The following EFCAB5 variants were observed in gnomAD, a reference collection of about 807,000 sequenced individuals.
The protein encoded by EFCAB5 is EF-hand calcium binding domain 5.
A neutral mutation model predicts 167.9 loss-of-function variants in EFCAB5; 131 were observed. That is an observed-to-expected ratio of 0.78 (90% confidence interval 0.68 to 0.90). EFCAB5 has a LOEUF of 0.90. Among genes scored for constraint, EFCAB5 ranks in the 40% least tolerant of loss-of-function variants. EFCAB5 has a pLI of 0.00. For missense variants in EFCAB5, 1,663 were observed against 1,745.2 expected, an observed-to-expected ratio of 0.95 and a Z score of 0.84; for synonymous variants, 574 against 602.8, an observed-to-expected ratio of 0.95 and a Z score of 0.70.
chr17:30,107,275 T>C (rs1567782259), intron 22 of EFCAB5, among the ~76,000 whole-genome samples: 1 of 152,228 alleles, frequency 6.6e-6, no homozygotes, highest in Non-Finnish European at 1.5e-5. Flanking sequence ...CATGCAAGTA[T>C]AGAGAATAAT....
intron 14 of EFCAB5, 42 bp downstream of exon 14, chr17:30,059,743 C>G: frequency 2.6e-6 from 4 of 1,519,068 alleles, no homozygotes; most frequent in Non-Finnish European, 3.5e-6. Flanking sequence ...TGGTAATTAA[C>G]TTGGCTTCAA....
chr17:30,004,624 T>TC (rs2068735597), intron 7 of EFCAB5, among the ~76,000 whole-genome samples: 1 of 146,222 alleles, frequency 6.8e-6, no homozygotes, highest in East Asian at 2.0e-4. Flanking sequence ...TGTGGGCACT[T>TC]TTTTTTTTTT....
chr17:29,969,031 A>G lies in EFCAB5; in HGVS notation c.431A>G (p.Glu144Gly). ...IDKENLKKELEKKAEKKLPRD... is the reference protein window; with the variant it reads ...IDKENLKKELGKKAEKKLPRD... ...AAGGAAAATCTGAAGAAGGAACTAGAAAAAAAGGCTGAAAAAAAACTCCCT... is the reference window on the plus strand; with the variant it reads ...AAGGAAAATCTGAAGAAGGAACTAGGAAAAAAGGCTGAAAAAAAACTCCCT... Residue 144 changes from glutamate (E) to glycine (G), a missense_variant, in exon 4 of 23, where the codon GAA (glutamate) becomes GGA (glycine). Coordinates refer to ENST00000394835, the MANE Select transcript of EFCAB5 (RefSeq NM_198529.4). 1 of 1,595,156 alleles carries G rather than the reference A, an allele frequency of 6.3e-7. No homozygotes were observed. Among genetic ancestry groups the G allele is most frequent in the Non-Finnish European group, 8.5e-7 (1 of 1,172,028 alleles).
rs2071172596 is a variant in EFCAB5 at position 30,090,439 on chromosome 17, T to C, written c.3702T>C (p.Cys1234=). The change falls in exon 20 of 23, where the codon TGT becomes TGC. Residue 1234 remains cysteine, a synonymous_variant. Transcript: ENST00000394835. ...ATTTCAGAGATTTCCTCTTTAAATGTACTGACAGTTCAGAAGTTGTTCTGG... is the reference window on the plus strand; with the variant it reads ...ATTTCAGAGATTTCCTCTTTAAATGCACTGACAGTTCAGAAGTTGTTCTGG... ...SCIFRDFLFK[C]TDSSEVVLAS... 1 of 1,613,542 alleles carries C rather than the reference T, an allele frequency of 6.2e-7. No individual in the cohort carries two copies. Among genetic ancestry groups the C allele is most frequent in the East Asian group, 2.2e-5 (1 of 44,884 alleles).
chr17:30,054,668 G>C (rs1202313034), intron 10 of EFCAB5, among the ~76,000 whole-genome samples: 2 of 152,142 alleles, frequency 1.3e-5, no homozygotes, highest in Non-Finnish European at 2.9e-5. Flanking sequence ...CCATGGTTTT[G>C]CTTTCCACAG....
chr17:30,096,465 G>A (rs2151853928), intron 22 of EFCAB5, among the ~76,000 whole-genome samples: 1 of 151,880 alleles, frequency 6.6e-6, no homozygotes. Context: ...ATTGCTTGGG[G>A]CCAGAAGTTC....
chr17:29,940,701 G>A (rs1393006102), upstream of EFCAB5, among the ~76,000 whole-genome samples: 7 of 152,174 alleles, frequency 4.6e-5, no homozygotes, highest in Non-Finnish European at 2.9e-5. Context: ...TCCAAAGGCA[G>A]TACTTTTGGT....
At chr17:30,043,203 TTCTGATACAAA>T (rs1471516200) in intron 8 of EFCAB5, among the ~76,000 whole-genome samples, 10 of 152,178 alleles carry the variant, frequency 6.6e-5, no homozygotes, top group Non-Finnish European at 1.0e-4. Context: ...CAACACTCAT[TTCTGATACAAA>T]AATTTTTTAA....
chr17:29,977,127 TC>T (rs952693933), intron 4 of EFCAB5, among the ~76,000 whole-genome samples: 1 of 152,196 alleles, frequency 6.6e-6, no homozygotes, highest in Non-Finnish European at 1.5e-5. Context: ...GTAAAAAGTA[TC>T]TTTTCCCTCT....
chr17:30,078,719 G>T (rs1030666794), intron 15 of EFCAB5, among the ~76,000 whole-genome samples: 1 of 152,098 alleles, frequency 6.6e-6, no homozygotes, highest in Non-Finnish European at 1.5e-5. Context: ...AGAGGAGAAA[G>T]GTAGAAAAGA....
intron 3 of EFCAB5, among the ~76,000 whole-genome samples, chr17:29,966,295 C>A (rs1183344834): frequency 6.6e-6 from 1 of 152,122 alleles, no homozygotes; most frequent in African/African-American, 2.4e-5. Flanking sequence ...ATGTCTAACA[C>A]TTGGCTTACA....
intron 8 of EFCAB5, among the ~76,000 whole-genome samples, chr17:30,036,410 T>TAG (rs1019505833): frequency 0.013 from 1,731 of 137,350 alleles, 43 homozygotes; most frequent in African/African-American, 0.039. Context: ...TATATAATAT[T>TAG]AGAGAGAGAG....
In EFCAB5 at chr17:30,082,794, G is replaced by A. The variant is rs2071014918; in HGVS notation, c.3427-97G>A. ...TTTGTAGGAAGTAGATTATCATGAA[G>A]TAATTAAATTACTGGTAAAGGTAAT... On this transcript the variant is annotated intron_variant, in intron 17 of 22. Coordinates refer to ENST00000394835, the MANE Select transcript of EFCAB5 (RefSeq NM_198529.4). 4 of 1,239,834 alleles carry A rather than the reference G, an allele frequency of 3.2e-6. No individual in the cohort carries two copies. In the African/African-American group the frequency reaches 4.6e-5, roughly 14 times the overall value. The allele number at this position is 1,239,834 out of a possible 1,614,324, so 76.8% of individuals were successfully genotyped here. A position where few individuals can be genotyped will look rare whatever the true frequency, so the allele number is the denominator to read the frequency against.
In EFCAB5 at chr17:29,970,649, CACACACACACACACACACAT is replaced by C. The variant is rs1222798317; in HGVS notation, c.767+1302_767+1321del. Among the ~76,000 whole-genome samples, 731 of 146,018 alleles carry C rather than the reference CACACACACACACACACACAT, an allele frequency of 5.0e-3. 5 individuals carry two copies. Among genetic ancestry groups the C allele is most frequent in the African/African-American group, 0.018 (689 of 37,696 alleles). ...AGTCTCAAAAACAGACACACACACA[CACACACACACACACACACAT>C]ACACACACACACACACACACACACC... On this transcript the variant is annotated intron_variant, in intron 4 of 22. Transcript: ENST00000394835.
intron 3 of EFCAB5, among the ~76,000 whole-genome samples, chr17:29,951,109 T>G (rs1408816526): frequency 6.6e-6 from 1 of 152,210 alleles, no homozygotes; most frequent in African/African-American, 2.4e-5. Context: ...CTACCCTCTT[T>G]ACTTTTCCCA....
chr17:30,092,029 G>A lies in EFCAB5; in HGVS notation c.4096G>A (p.Asp1366Asn). Residue 1366 changes from aspartate to asparagine, a missense_variant, in exon 21 of 23, where the codon GAC becomes AAC. Transcript: ENST00000394835. The stretch of plus-strand genomic sequence containing the variant: ...TGTAACAGAGCCAAATTCTCCTCAA[G>A]ACAGCAAATCTATGGAGTTGGAAGC... ...TLVTEPNSPQ[D>N]SKSMELEANV... 1 of 1,613,926 alleles carries A rather than the reference G, an allele frequency of 6.2e-7. No homozygotes were observed. The highest frequency in any genetic ancestry group is 8.5e-7 in the Non-Finnish European group (1 of 1,179,872).
chr17:29,973,857 T>C (rs893582667), intron 4 of EFCAB5, among the ~76,000 whole-genome samples: 14 of 151,002 alleles, frequency 9.3e-5, no homozygotes, highest in Non-Finnish European at 2.1e-4. Flanking sequence ...TCCTACAGTT[T>C]ACATAAAAGC....
Position 29,943,562 on chromosome 17 carries a change from A to G in EFCAB5, c.106-3A>G, listed in dbSNP as rs1877143811. Reference sequence around the variant, plus strand: ...ATTGGTGATTTTTTTCCTCTTTTCAAAGACCTTACAGAGTGTGCCAGACGT... The same window carrying G: ...ATTGGTGATTTTTTTCCTCTTTTCAGAGACCTTACAGAGTGTGCCAGACGT... On this transcript the variant is annotated splice_region_variant and splice_polypyrimidine_tract_variant and intron_variant, in intron 2 of 22. Coordinates refer to ENST00000394835, the MANE Select transcript of EFCAB5 (RefSeq NM_198529.4). 1 of 1,569,456 alleles carries G rather than the reference A, an allele frequency of 6.4e-7. No homozygotes were observed. Among genetic ancestry groups the G allele is most frequent in the Admixed American group, 1.9e-5 (1 of 52,970 alleles).
chr17:29,969,628 C>T (rs2067908744), intron 4 of EFCAB5, among the ~76,000 whole-genome samples: 4 of 152,072 alleles, frequency 2.6e-5, no homozygotes, highest in African/African-American at 9.7e-5. Context: ...TATTTATCTG[C>T]CTGCACTGGA....
Sources: allele counts gnomAD v4.1 joint callset (sites outside exome capture counted in the v4.1 genomes callset), GRCh38; gene constraint gnomAD v4.1.1; transcripts MANE v1.5; gene names NCBI Gene and HGNC (gene_info 2026-07-23, HGNC 2026-07-21).